Variants in PSTPIP2 observed in about 807,000 individuals in gnomAD.
The protein encoded by PSTPIP2 is proline-serine-threonine phosphatase interacting protein 2, also known as proline-serine-threonine phosphatase-interacting protein 2.
Under a neutral mutation model 63.3 loss-of-function variants are expected in PSTPIP2, and 33 were observed. That is an observed-to-expected ratio of 0.52 (90% CI 0.40 to 0.70). The LOEUF is 0.70. Among genes scored for constraint, PSTPIP2 ranks in the 30% least tolerant of loss-of-function variants. The pLI is 0.00. For synonymous variants in PSTPIP2, 125 were observed against 132.7 expected, an observed-to-expected ratio of 0.94 and a Z score of 0.40; for missense variants, 312 against 400.7, an observed-to-expected ratio of 0.78 and a Z score of 1.89.
intron 13 of PSTPIP2, 111 bp downstream of exon 13, chr18:45,990,611 G>A: frequency 2.2e-6 from 2 of 892,268 alleles, no homozygotes; most frequent in Non-Finnish European, 3.5e-6. Context: ...TGTATTTTTA[G>A]TGGAGACAGG....
intron 3 of PSTPIP2, among the ~76,000 whole-genome samples, chr18:46,018,814 G>A (rs76684546): frequency 0.012 from 1,841 of 152,198 alleles, 40 homozygotes; most frequent in African/African-American, 0.042. Context: ...TTCGTCTTTG[G>A]CCTGGAACGA....
At position 45,985,035 on chromosome 18, in the gene PSTPIP2, C is replaced by G; in HGVS notation, c.*424G>C. 5.1e-6 allele frequency: 1 copy of G among 194,608 alleles called. No individual in the cohort carries two copies. The highest frequency in any genetic ancestry group is 1.0e-5 in the Non-Finnish European group (1 of 96,962). The allele number at this position is 194,608 out of a possible 1,614,324, so 12.1% of individuals were successfully genotyped here. A position where few individuals can be genotyped will look rare whatever the true frequency, so the allele number is the denominator to read the frequency against. ...AGGAAGGTAATTTTAAATCTTGCAC[C>G]ACTGAGGCTGTGTGTCGCCGTGGAA... On this transcript the variant is annotated 3_prime_UTR_variant, in exon 15 of 15. Transcript: ENST00000409746.
At chr18:46,003,336 C>T (rs1409026079) in intron 6 of PSTPIP2, among the ~76,000 whole-genome samples, 1 of 152,124 alleles carries the variant, frequency 6.6e-6, no homozygotes. Context: ...AAGTCCTGGT[C>T]CCCTATTTGT....
intron 2 of PSTPIP2, among the ~76,000 whole-genome samples, chr18:46,025,440 G>A (rs1907543437): frequency 6.6e-6 from 1 of 152,132 alleles, no homozygotes; most frequent in Non-Finnish European, 1.5e-5. Flanking sequence ...CACTGCCAAG[G>A]TTAATAGTTA....
At chr18:46,053,533 C>T (rs1016415710) in intron 1 of PSTPIP2, among the ~76,000 whole-genome samples, 1 of 152,132 alleles carries the variant, frequency 6.6e-6, no homozygotes. Flanking sequence ...GTTTTCAGCA[C>T]AGCAGAGTAT....
chr18:46,043,627 A>C (rs1443539734), intron 1 of PSTPIP2, among the ~76,000 whole-genome samples: 1 of 152,230 alleles, frequency 6.6e-6, no homozygotes, highest in Non-Finnish European at 1.5e-5. Context: ...CACTACTTCT[A>C]TTCAACACAC....
chr18:45,987,933 T>A (rs1340460750), intron 14 of PSTPIP2, among the ~76,000 whole-genome samples: 1 of 152,166 alleles, frequency 6.6e-6, no homozygotes, highest in Non-Finnish European at 1.5e-5. Flanking sequence ...GCAATAATAA[T>A]CTGCAGGATG....
chr18:46,065,294 A>AT (rs202071120), intron 1 of PSTPIP2, among the ~76,000 whole-genome samples: 2 of 143,232 alleles, frequency 1.4e-5, no homozygotes, highest in African/African-American at 5.6e-5. Flanking sequence ...AATAAGTTAT[A>AT]ATTTTTTTTT....
chr18:46,020,430 G>A (rs1385116055), intron 3 of PSTPIP2, among the ~76,000 whole-genome samples: 2 of 152,076 alleles, frequency 1.3e-5, no homozygotes, highest in Non-Finnish European at 2.9e-5. Context: ...TGAGGCAGGT[G>A]GATCACGAGG....
intron 1 of PSTPIP2, among the ~76,000 whole-genome samples, chr18:46,049,046 G>A (rs1908487172): frequency 6.7e-6 from 1 of 148,262 alleles, no homozygotes. Flanking sequence ...GTGTGTGTGT[G>A]TGTGTGTGTG....
At chr18:45,988,830 C>G (rs2051494444) in intron 13 of PSTPIP2, 71 bp from the exon 14 acceptor site, 2 of 1,287,242 alleles carry the variant, frequency 1.6e-6, no homozygotes, top group Non-Finnish European at 2.3e-6. Flanking sequence ...CCTTTTCAAG[C>G]CAGGGCATTT....
chr18:46,066,651 G>A (rs1482937340), intron 1 of PSTPIP2, among the ~76,000 whole-genome samples: 3 of 152,172 alleles, frequency 2.0e-5, no homozygotes, highest in Non-Finnish European at 4.4e-5. Flanking sequence ...TGAGTATAGG[G>A]CTTCTAAAGA....
intron 1 of PSTPIP2, among the ~76,000 whole-genome samples, chr18:46,059,709 G>A (rs1908922107): frequency 6.6e-6 from 1 of 152,036 alleles, no homozygotes; most frequent in Admixed American, 6.6e-5. Context: ...AGTGACATAT[G>A]ACTGTCTTCA....
chr18:46,040,193 G>T, intron 1 of PSTPIP2, 146 bp from the exon 2 acceptor site: 1 of 540,226 alleles, frequency 1.9e-6, no homozygotes, highest in Non-Finnish European at 3.2e-6. Context: ...TTAGGAGCCT[G>T]TCAGGCTTCT....
chr18:45,993,790 C>A (rs2051563569), intron 9 of PSTPIP2, 87 bp from the exon 10 acceptor site: 1 of 1,115,900 alleles, frequency 9.0e-7, no homozygotes, highest in Non-Finnish European at 1.3e-6. Flanking sequence ...ACAGTGTCAA[C>A]CTTCAGTTAT....
rs2051438722 is a variant in PSTPIP2, at chr18:45,983,555, T to G, written c.*1904A>C. 1 of 152,176 alleles carries G rather than the reference T, an allele frequency of 6.6e-6. No individual in the cohort carries two copies. Among genetic ancestry groups the G allele is most frequent in the Non-Finnish European group, 1.5e-5 (1 of 68,042 alleles). 9.4% of individuals were successfully genotyped at this position (152,176 alleles called of 1,614,324 possible). On this transcript the variant is annotated 3_prime_UTR_variant, in exon 15 of 15. Coordinates refer to ENST00000409746, the MANE Select transcript of PSTPIP2 (RefSeq NM_024430.4). The stretch of plus-strand genomic sequence containing the variant: ...AACAAATCCCAAATTACCAAGAACC[T>G]TTATTTAACCTACCAAACTAAAAGA...
intron 4 of PSTPIP2, among the ~76,000 whole-genome samples, 200 bp from the exon 5 acceptor site, chr18:46,011,487 T>C (rs1444484565): frequency 1.3e-5 from 2 of 152,190 alleles, no homozygotes; most frequent in Non-Finnish European, 2.9e-5. Context: ...AGCTAGAAGA[T>C]CTTTAGCTTA....
chr18:46,045,721 AAAAGAAAAAAACATTTTTTT>A (rs1908361358), intron 1 of PSTPIP2, among the ~76,000 whole-genome samples: 1 of 152,224 alleles, frequency 6.6e-6, no homozygotes, highest in Non-Finnish European at 1.5e-5. Flanking sequence ...TAGAATAGAC[AAAAGAAAAAAACATTTTTTT>A]AAAGAAAAAC....
chr18:46,072,028 C>T, intron 1 of PSTPIP2, 128 bp downstream of exon 1: 1 of 1,247,124 alleles, frequency 8.0e-7, no homozygotes, highest in Non-Finnish European at 1.1e-6. Flanking sequence ...GCGCGAGCTC[C>T]GCCAAGCCCC....
Sources: gnomAD v4.1 joint callset for allele counts (sites outside exome capture counted in the v4.1 genomes callset) on GRCh38, gnomAD v4.1.1 for gene constraint, MANE v1.5 for transcripts, NCBI Gene and HGNC (gene_info 2026-07-23, HGNC 2026-07-21) for gene names.